PIGT: variants seen among roughly 807,000 people sequenced by gnomAD.
The protein encoded by PIGT is phosphatidylinositol glycan anchor biosynthesis class T, also known as GPI-anchor transamidase component PIGT.
PIGT carries 57 observed loss-of-function variants against 66.7 expected under a neutral mutation model. The observed-to-expected ratio is 0.86, with a 90% CI of 0.69 to 1.07. The LOEUF is 1.07. Ranked by LOEUF, PIGT falls within the 50% of genes least tolerant of loss-of-function variation. The pLI is 0.00. For synonymous variants in PIGT, 362 were observed against 320.5 expected, an observed-to-expected ratio of 1.13 and a Z score of -1.38; for missense variants, 725 against 740.4, an observed-to-expected ratio of 0.98 and a Z score of 0.24.
intron 8 of PIGT, 70 bp from the exon 9 acceptor site, chr20:45,421,313 C>A: frequency 7.3e-7 from 1 of 1,362,734 alleles, no homozygotes; most frequent in Non-Finnish European, 1.0e-6. Context: ...CTGAACATGG[C>A]CTGGGCAGGT....
chr20:45,420,776 A>T, intron 8 of PIGT, 83 bp downstream of exon 8: 2 of 1,382,300 alleles, frequency 1.4e-6, no homozygotes, highest in Non-Finnish European at 2.0e-6. Flanking sequence ...CCGTTAGATG[A>T]TTGGGTTGTA....
At chr20:45,424,859 G>A (rs1465524704) in intron 11 of PIGT, 3 of 467,408 alleles carry the variant, frequency 6.4e-6, no homozygotes, top group Non-Finnish European at 1.2e-5. Context: ...CAAATGCCAA[G>A]TGCTTCTGAG....
At chr20:45,419,138 C>A in intron 3 of PIGT, 157 bp from the exon 4 acceptor site, 1 of 1,113,488 alleles carries the variant, frequency 9.0e-7, no homozygotes, top group Non-Finnish European at 1.3e-6. Context: ...ATGCCTTTTC[C>A]CAAGGAGAGA....
chr20:45,425,629 C>G lies in PIGT; in HGVS notation c.1540C>G (p.Leu514Val). The G allele has an allele frequency of 1.9e-6, 3 of 1,614,084 alleles. No individual in the cohort carries two copies. The highest frequency in any genetic ancestry group is 2.5e-6 in the Non-Finnish European group (3 of 1,180,006). ...YFVRLYTEPL[L>V]VNLPTPDFSM... ...TGTGCGGCTCTACACGGAGCCGCTG[C>G]TGGTGAACCTGCCGACACCGGACTT... Residue 514 changes from leucine (L) to valine (V), a missense_variant, in exon 12 of 12, where the codon CTG (leucine) becomes GTG (valine). Around this residue, in one of 3 missense-constraint regions of PIGT, gnomAD observed 162 missense variants for 171.1 expected, o/e 0.95. Transcript: ENST00000279036.
In PIGT at chr20:45,425,984, G is replaced by A. The variant is rs1990722934; in HGVS notation, c.*158G>A. The A allele has an allele frequency of 4.1e-6, 3 of 740,678 alleles. No individual in the cohort carries two copies. Among genetic ancestry groups the A allele is most frequent in the Admixed American group, 5.9e-5 (2 of 33,766 alleles). The allele number at this position is 740,678 out of a possible 1,614,324, so 45.9% of individuals were successfully genotyped here. On this transcript the variant is annotated 3_prime_UTR_variant, in exon 12 of 12. Transcript: ENST00000279036. ...CTGTGTTGTCCAGTACAGGAGCCAC[G>A]AGCCAAATGTGGCATTTGAATTTGA... is the stretch of plus-strand genomic sequence containing the variant.
intron 3 of PIGT, 34 bp from the exon 4 acceptor site, chr20:45,419,261 A>G (rs372946991): frequency 6.3e-5 from 98 of 1,566,852 alleles, no homozygotes; most frequent in Admixed American, 1.0e-4. Context: ...TCAGAGCCCA[A>G]GGCCCACCCC....
At chr20:45,419,620 A>C in intron 5 of PIGT, 30 bp downstream of exon 5, 1 of 1,478,698 alleles carries the variant, frequency 6.8e-7, no homozygotes, top group Non-Finnish European at 9.5e-7. Flanking sequence ...GGAAGCTGCC[A>C]TCCAGGGGCT....
At position 45,421,394 on chromosome 20, in the gene PIGT, G is replaced by C. The variant is rs1442239045; in HGVS notation, c.1045G>C (p.Val349Leu). ...ATTTCTTTACACAGAGGCCCCCCCA[G>C]TGCCCTTCCTGCATGCCCAGCGGTA... ...KRPPENEAPP[V>L]PFLHAQRYVS... The change falls in exon 9 of 12, where the codon GTG becomes CTG. Residue 349 changes from valine to leucine, a missense_variant. Coordinates refer to ENST00000279036, the MANE Select transcript of PIGT (RefSeq NM_015937.6). 6.2e-7 allele frequency: 1 copy of C among 1,613,662 alleles called. No homozygotes were observed. Among genetic ancestry groups the C allele is most frequent in the Non-Finnish European group, 8.5e-7 (1 of 1,179,702 alleles).
chr20:45,421,658 T>C (rs1990375737), intron 9 of PIGT, 75 bp downstream of exon 9: 1 of 1,241,890 alleles, frequency 8.1e-7, no homozygotes, highest in Non-Finnish European at 1.2e-6. Context: ...AACTCTCATT[T>C]CCCAGGGTAG....
intron 9 of PIGT, 69 bp downstream of exon 9, chr20:45,421,652 CTCATT>C: frequency 7.6e-7 from 1 of 1,307,578 alleles, no homozygotes; most frequent in South Asian, 1.2e-5. Context: ...CCCCCAAACT[CTCATT>C]TCCCAGGGTA....
chr20:45,416,981 TA>T (rs1442518429), intron 2 of PIGT: 1 of 288,618 alleles, frequency 3.5e-6, no homozygotes, highest in Non-Finnish European at 6.4e-6. Flanking sequence ...GATAACCTTT[TA>T]AAAGGCATTC....
intron 9 of PIGT, 53 bp downstream of exon 9, chr20:45,421,636 C>T: frequency 6.9e-7 from 1 of 1,444,014 alleles, no homozygotes; most frequent in Non-Finnish European, 9.7e-7. Flanking sequence ...CATGTCCTCT[C>T]CAGGTCCCCC....
At chr20:45,421,152 G>A (rs1304092663) in intron 8 of PIGT, 3 of 570,692 alleles carry the variant, frequency 5.3e-6, no homozygotes, top group African/African-American at 3.8e-5. Context: ...GGGTTCGAAG[G>A]GGGCACGGTG....
intron 8 of PIGT, 26 bp downstream of exon 8, chr20:45,420,719 T>C (rs1189427296): frequency 6.2e-7 from 1 of 1,612,502 alleles, no homozygotes; most frequent in Admixed American, 1.7e-5. Context: ...GTTGGACTGC[T>C]GGGTTGCAAC....
At position 45,425,785 on chromosome 20, in the gene PIGT, G is replaced by A. The variant is rs757699605; in HGVS notation, c.1696G>A (p.Ala566Thr). ...PRTGGLAKRL[A>T]NLIRRARGVP... Reference sequence around the variant, plus strand: ...CACAGGTGGCCTGGCCAAGCGGCTGGCCAACCTTATCCGGCGCGCCCGAGG... The same window carrying A: ...CACAGGTGGCCTGGCCAAGCGGCTGACCAACCTTATCCGGCGCGCCCGAGG... The change falls in exon 12 of 12, where the codon GCC becomes ACC. Residue 566 changes from alanine (A) to threonine (T), a missense_variant. By Grantham distance (58) the Ala-to-Thr change is moderately conservative (BLOSUM62 0). Coordinates refer to ENST00000279036, the MANE Select transcript of PIGT (RefSeq NM_015937.6). 1 of 1,613,966 alleles carries A rather than the reference G, an allele frequency of 6.2e-7. No individual in the cohort carries two copies. Among genetic ancestry groups the A allele is most frequent in the Admixed American group, 1.7e-5 (1 of 60,030 alleles).
At position 45,421,450 on chromosome 20, in the gene PIGT, G is replaced by A; in HGVS notation, c.1101G>A (p.Glu367=). The change falls in exon 9 of 12, where the codon GAG becomes GAA. Residue 367 remains glutamate, a synonymous_variant. Transcript: ENST00000279036. ...YVSGYGLQKG[E]LSTLLYNTHP... is the part of the protein sequence containing the mutation. ...GTGGCTATGGGCTGCAGAAGGGGGA[G>A]CTGAGCACACTGCTGTACAACACCC... The A allele has an allele frequency of 6.2e-7, 1 of 1,614,182 alleles. No homozygotes were observed. The highest frequency in any genetic ancestry group is 8.5e-7 in the Non-Finnish European group (1 of 1,180,018).
At chr20:45,424,165 C>A in intron 9 of PIGT, 51 bp from the exon 10 acceptor site, 1 of 1,549,526 alleles carries the variant, frequency 6.5e-7, no homozygotes, top group Non-Finnish European at 8.9e-7. Context: ...ACAGGGGCAG[C>A]AGGTAGCCTG....
chr20:45,419,939 GA>G (rs1990243534), intron 5 of PIGT, 196 bp from the exon 6 acceptor site: 1 of 607,060 alleles, frequency 1.6e-6, no homozygotes, highest in Non-Finnish European at 2.9e-6. Flanking sequence ...GGGTTGTTGT[GA>G]TAGTTTATCA....
chr20:45,423,900 A>T, intron 9 of PIGT: 1 of 345,690 alleles, frequency 2.9e-6, no homozygotes, highest in Non-Finnish European at 5.5e-6. Context: ...AAAAATTCCC[A>T]GGTGGTTCTG....
Sources: allele counts gnomAD v4.1 joint callset, GRCh38; gene constraint gnomAD v4.1.1; regional missense constraint gnomAD v4.1.1; transcripts MANE v1.5; gene names NCBI Gene and HGNC (gene_info 2026-07-23, HGNC 2026-07-21).